The following ADTRP variants were observed in gnomAD, a reference collection of about 807,000 sequenced individuals.
The protein encoded by ADTRP is androgen dependent TFPI regulating protein, also known as androgen-dependent TFPI-regulating protein.
A neutral mutation model predicts 27.0 loss-of-function variants in ADTRP; 20 were observed. The ratio of observed to expected loss-of-function variants is 0.74; its 90% confidence interval spans 0.52 to 1.08. The LOEUF is 1.08. ADTRP is among the 50% of genes least tolerant of loss of function. The probability of loss-of-function intolerance (pLI) is 0.00; values close to 1 mark genes in which losing one functional copy is unlikely to be tolerated. For missense variants in ADTRP, 251 were observed against 275.0 expected (o/e 0.91, Z 0.62); for synonymous variants, 101 against 105.2 (o/e 0.96, Z 0.25).
intron 3 of ADTRP, among the ~76,000 whole-genome samples, chr6:11,749,775 A>G (rs779052771): frequency 9.2e-5 from 14 of 152,214 alleles, no homozygotes; most frequent in Non-Finnish European, 1.9e-4. Flanking sequence ...TCAGAATAAG[A>G]ATAGATCCTA....
chr6:11,740,157 T>A (rs1762671622), intron 3 of ADTRP, among the ~76,000 whole-genome samples: 1 of 152,158 alleles, frequency 6.6e-6, no homozygotes, highest in Non-Finnish European at 1.5e-5. Flanking sequence ...TTTGCCTTAA[T>A]ACTCTCTCCC....
At chr6:11,763,752 A>G (rs911754178) in intron 3 of ADTRP, among the ~76,000 whole-genome samples, 5 of 152,374 alleles carry the variant, frequency 3.3e-5, no homozygotes, top group South Asian at 2.1e-4. Context: ...TAGGCCAAGA[A>G]CATTTAATAG....
intron 3 of ADTRP, among the ~76,000 whole-genome samples, chr6:11,757,888 T>A (rs1386133317): frequency 6.6e-6 from 1 of 152,166 alleles, no homozygotes; most frequent in Non-Finnish European, 1.5e-5. Context: ...TGAGAATACA[T>A]TTCTGTTAAT....
chr6:11,758,635 G>A (rs1013239109), intron 3 of ADTRP, among the ~76,000 whole-genome samples: 5 of 148,608 alleles, frequency 3.4e-5, no homozygotes, highest in Non-Finnish European at 7.4e-5. Flanking sequence ...GAGTTAATGG[G>A]TGCAGCACAC....
At chr6:11,716,862 G>A (rs1761847809) in intron 5 of ADTRP, among the ~76,000 whole-genome samples, 1 of 148,636 alleles carries the variant, frequency 6.7e-6, no homozygotes, top group South Asian at 2.1e-4. Context: ...GACTACAGGT[G>A]TGCGCCACCA....
intron 3 of ADTRP, among the ~76,000 whole-genome samples, chr6:11,750,359 G>A (rs904788318): frequency 6.6e-6 from 1 of 152,208 alleles, no homozygotes. Flanking sequence ...AGTTCTGTAG[G>A]CTTGTGTGCA....
At chr6:11,749,241 T>C (rs915013153) in intron 3 of ADTRP, among the ~76,000 whole-genome samples, 5 of 152,100 alleles carry the variant, frequency 3.3e-5, no homozygotes, top group Non-Finnish European at 7.4e-5. Context: ...GGGAGGATGA[T>C]GGTTCCATTT....
chr6:11,775,149 G>A (rs1763911993), intron 1 of ADTRP, among the ~76,000 whole-genome samples: 1 of 152,082 alleles, frequency 6.6e-6, no homozygotes, highest in Non-Finnish European at 1.5e-5. Context: ...AAGGGGAAGG[G>A]GGTGGATGAC....
intron 3 of ADTRP, among the ~76,000 whole-genome samples, chr6:11,765,418 C>T (rs1405689843): frequency 6.6e-6 from 1 of 150,782 alleles, no homozygotes; most frequent in Non-Finnish European, 1.5e-5. Flanking sequence ...ACCTCCGCCT[C>T]CCAGGTTCAA....
intron 4 of ADTRP, among the ~76,000 whole-genome samples, chr6:11,729,935 C>T (rs138737095): frequency 6.6e-6 from 1 of 152,268 alleles, no homozygotes; most frequent in East Asian, 1.9e-4. Flanking sequence ...TTGTGTGGTA[C>T]ATGTCAATCA....
At chr6:11,735,759 C>T (rs1561750954) in intron 3 of ADTRP, 76 bp from the exon 4 acceptor site, 1 of 978,668 alleles carries the variant, frequency 1.0e-6, no homozygotes, top group Non-Finnish European at 1.6e-6. Flanking sequence ...CTCTGTTCCC[C>T]TTCCAGTCTA....
chr6:11,719,378 G>C (rs570706795), intron 5 of ADTRP, among the ~76,000 whole-genome samples: 2 of 152,196 alleles, frequency 1.3e-5, no homozygotes, highest in Non-Finnish European at 1.5e-5. Flanking sequence ...GCGTTGCTCT[G>C]TAACAGCGGT....
chr6:11,761,848 C>A (rs1415182892), intron 3 of ADTRP, among the ~76,000 whole-genome samples: 1 of 152,124 alleles, frequency 6.6e-6, no homozygotes, highest in African/African-American at 2.4e-5. Context: ...CACAGAGGAG[C>A]CTCTTCCCTC....
intron 4 of ADTRP, among the ~76,000 whole-genome samples, chr6:11,730,490 G>A (rs1020173817): frequency 2.0e-5 from 3 of 152,190 alleles, no homozygotes; most frequent in African/African-American, 7.2e-5. Flanking sequence ...GAGAAGAAGA[G>A]AATTGCTGAT....
rs1433670001 is a variant in ADTRP at position 11,777,216 on chromosome 6, G to A, written c.153+1391C>T. 2.6e-5 allele frequency among the ~76,000 whole-genome samples: 4 copies of A among 151,654 alleles called. 1 individual carries two copies. In the East Asian group the frequency reaches 7.7e-4, roughly 29 times the overall value. ...GAAAATAAGGGCTCTTGGAAATGTA[G>A]GTGAGCTAGAATTAAAAAGTCAGGA... On this transcript the variant is annotated intron_variant, in intron 1 of 5. Coordinates refer to ENST00000414691, the MANE Select transcript of ADTRP (RefSeq NM_032744.4).
chr6:11,751,168 G>C (rs1561761362), intron 3 of ADTRP, among the ~76,000 whole-genome samples: 1 of 152,176 alleles, frequency 6.6e-6, no homozygotes, highest in Non-Finnish European at 1.5e-5. Context: ...TTATTAACTG[G>C]AATTAGTGAT....
intron 3 of ADTRP, chr6:11,754,909 G>T: frequency 4.1e-6 from 2 of 485,342 alleles, no homozygotes; most frequent in Non-Finnish European, 5.4e-6. Flanking sequence ...CCAGCAGGCT[G>T]CTCTCGGGGA....
intron 1 of ADTRP, among the ~76,000 whole-genome samples, chr6:11,775,178 C>T (rs1288696752): frequency 1.3e-5 from 2 of 152,018 alleles, no homozygotes; most frequent in Non-Finnish European, 1.5e-5. Flanking sequence ...GCCTCCACCC[C>T]GCAACAACCT....
intron 4 of ADTRP, among the ~76,000 whole-genome samples, chr6:11,728,023 A>T (rs1032879611): frequency 1.3e-5 from 2 of 151,660 alleles, no homozygotes; most frequent in South Asian, 2.1e-4. Context: ...TGCATTCAAC[A>T]TGTCTTCTAT....
Sources: allele counts gnomAD v4.1 joint callset (sites outside exome capture counted in the v4.1 genomes callset), GRCh38; gene constraint gnomAD v4.1.1; transcripts MANE v1.5; gene names NCBI Gene and HGNC (gene_info 2026-07-23, HGNC 2026-07-21).